The following UBR3 variants were observed in gnomAD, a reference collection of about 807,000 sequenced individuals.
The protein encoded by UBR3 is E3 ubiquitin-protein ligase UBR3.
Under a neutral mutation model 243.2 loss-of-function variants are expected in UBR3, and 85 were observed. That is an observed-to-expected ratio of 0.35 (90% CI 0.29 to 0.42). The LOEUF (loss-of-function observed/expected upper bound fraction) is 0.42. Ranked by LOEUF, UBR3 falls within the 10% of genes least tolerant of loss-of-function variation. UBR3 has a pLI of 1.00. For synonymous variants in UBR3, 748 were observed against 799.8 expected (o/e 0.94, Z 1.09); for missense variants, 1,686 against 2,300.8 (o/e 0.73, Z 5.47).
At chr2:169,872,664 G>T (rs1354557464) in intron 2 of UBR3, among the ~76,000 whole-genome samples, 1 of 152,052 alleles carries the variant, frequency 6.6e-6, no homozygotes, top group South Asian at 2.1e-4. Context: ...TGGGGTTAAC[G>T]TGACTTTATT....
intron 32 of UBR3, among the ~76,000 whole-genome samples, chr2:170,051,346 A>G (rs1360231617): frequency 6.6e-6 from 1 of 151,952 alleles, no homozygotes; most frequent in East Asian, 1.9e-4. Flanking sequence ...TATTTATTTT[A>G]TTATTATTAT....
At position 169,942,609 on chromosome 2, in the gene UBR3, T is replaced by A. The variant is rs1359722403; in HGVS notation, c.2780T>A (p.Ile927Asn). The A allele has an allele frequency of 1.3e-6, 2 of 1,548,818 alleles. No homozygotes were observed. Among genetic ancestry groups the A allele is most frequent in the Admixed American group, 2.0e-5 (1 of 50,748 alleles). ...CTTTTGCACTGTAAAACTTTACACATTGTGCTATTCACTCTGCTTTACAAG... is the reference window on the plus strand; with the variant it reads ...CTTTTGCACTGTAAAACTTTACACAATGTGCTATTCACTCTGCTTTACAAG... Reference protein sequence around the residue: ...MRLLHCKTLHIVLFTLLYKIL... With the variant: ...MRLLHCKTLHNVLFTLLYKIL... The change falls in exon 20 of 39, where the codon ATT becomes AAT. Residue 927 changes from isoleucine to asparagine, a missense_variant. Ile to Asn is a moderately radical substitution (Grantham distance 149, BLOSUM62 -3). This residue lies in a region of UBR3 where 300 missense variants were observed against 314.4 expected (regional missense o/e 0.95). Coordinates refer to ENST00000272793, the MANE Select transcript of UBR3 (RefSeq NM_172070.4).
chr2:170,039,082 G>C (rs922374018), intron 31 of UBR3, among the ~76,000 whole-genome samples: 1 of 152,198 alleles, frequency 6.6e-6, no homozygotes, highest in Non-Finnish European at 1.5e-5. Flanking sequence ...AGAGTCCTTA[G>C]TGAGAAAAGA....
chr2:169,950,131 G>T, intron 23 of UBR3, 66 bp downstream of exon 23: 1 of 1,415,970 alleles, frequency 7.1e-7, no homozygotes, highest in Non-Finnish European at 9.5e-7. Flanking sequence ...CTTCCTTTTG[G>T]TCATTTGAGG....
chr2:169,945,647 C>T (rs1340974600), intron 20 of UBR3, among the ~76,000 whole-genome samples: 1 of 152,110 alleles, frequency 6.6e-6, no homozygotes, highest in Non-Finnish European at 1.5e-5. Flanking sequence ...CATTTTGTTA[C>T]TTGTGGTATT....
intron 19 of UBR3, among the ~76,000 whole-genome samples, chr2:169,936,171 C>T (rs138678817): frequency 1.8e-3 from 272 of 152,094 alleles, no homozygotes; most frequent in African/African-American, 6.2e-3. Context: ...GCGATACATC[C>T]GCCTCAGCCT....
intron 1 of UBR3, among the ~76,000 whole-genome samples, chr2:169,845,908 A>T (rs2082463747): frequency 6.6e-6 from 1 of 152,304 alleles, no homozygotes; most frequent in East Asian, 1.9e-4. Context: ...TAATTCCATT[A>T]TAGTGAGATA....
intron 18 of UBR3, among the ~76,000 whole-genome samples, chr2:169,932,076 ATTT>A (rs140968517): frequency 6.9e-6 from 1 of 145,910 alleles, no homozygotes; most frequent in Non-Finnish European, 1.5e-5. Context: ...TAGCTCATTA[ATTT>A]TTTTTTTTTT....
At chr2:169,989,704 G>A (rs1008843238) in intron 25 of UBR3, among the ~76,000 whole-genome samples, 1 of 152,080 alleles carries the variant, frequency 6.6e-6, no homozygotes, top group Admixed American at 6.5e-5. Context: ...TTATTTACAG[G>A]TGCTCAAAAT....
In UBR3 at chr2:169,930,880, T is replaced by C. The variant is rs532549334; in HGVS notation, c.2566+2012T>C. Reference sequence around the variant, plus strand: ...GAACCTAGCTTCTTCTCTGTCCTGCTATCTACTTGCTCCTAAAGTGGCCCC... The same window carrying C: ...GAACCTAGCTTCTTCTCTGTCCTGCCATCTACTTGCTCCTAAAGTGGCCCC... On this transcript the variant is annotated intron_variant, in intron 18 of 38. Transcript: ENST00000272793. 2.0e-5 allele frequency among the ~76,000 whole-genome samples: 3 copies of C among 152,284 alleles called. No homozygotes were observed. The East Asian group carries it at 5.8e-4, about 29-fold the overall frequency.
At chr2:170,012,595 C>A (rs1262142074) in intron 29 of UBR3, among the ~76,000 whole-genome samples, 1 of 151,710 alleles carries the variant, frequency 6.6e-6, no homozygotes, top group Non-Finnish European at 1.5e-5. Context: ...TCTTTCTGTC[C>A]CAGGAAAGCT....
rs566104238 is a variant in UBR3 at position 169,827,471 on chromosome 2, C to A, written c.-37C>A. 3.6e-5 allele frequency: 44 copies of A among 1,220,842 alleles called. 1 individual carries two copies. In the East Asian group the frequency reaches 1.2e-3, roughly 32 times the overall value. 75.6% of individuals were successfully genotyped at this position (1,220,842 alleles called of 1,614,324 possible). ...ATTCCCTCACTCTCCCTGGAGGAGC[C>A]GCTGGCCCTGGACTCTCCAAATTCT... On this transcript the variant is annotated 5_prime_UTR_variant, in exon 1 of 39. Coordinates refer to ENST00000272793, the MANE Select transcript of UBR3 (RefSeq NM_172070.4).
intron 1 of UBR3, among the ~76,000 whole-genome samples, chr2:169,836,065 ATATTTTTTTTTTTTT>A (rs2082100808): frequency 3.6e-5 from 1 of 27,930 alleles, no homozygotes; most frequent in Non-Finnish European, 6.5e-5. Flanking sequence ...ATATATATAT[ATATTTTTTTTTTTTT>A]TTTTTTTTTT....
At chr2:170,029,988 T>C (rs1039655157) in intron 31 of UBR3, among the ~76,000 whole-genome samples, 1 of 152,148 alleles carries the variant, frequency 6.6e-6, no homozygotes, top group African/African-American at 2.4e-5. Context: ...TTGATACTTT[T>C]CTGATTTATA....
intron 1 of UBR3, among the ~76,000 whole-genome samples, chr2:169,855,347 AATTTTTATTTTTTTT>A (rs1209077992): frequency 6.6e-6 from 1 of 151,618 alleles, no homozygotes; most frequent in Non-Finnish European, 1.5e-5. Flanking sequence ...TTAATTTTTT[AATTTTTATTTTTTTT>A]AGTATTTATT....
chr2:169,912,584 C>T (rs533535972), intron 10 of UBR3, among the ~76,000 whole-genome samples: 1 of 152,252 alleles, frequency 6.6e-6, no homozygotes, highest in African/African-American at 2.4e-5. Flanking sequence ...GGATATACAA[C>T]ATTTCATTTG....
chr2:170,066,970 A>AATC (rs1370893410), intron 35 of UBR3, among the ~76,000 whole-genome samples: 1 of 102,588 alleles, frequency 9.7e-6, no homozygotes, highest in East Asian at 2.6e-4. Flanking sequence ...TCTCTAAAAT[A>AATC]ATAATAATAA....
intron 27 of UBR3, among the ~76,000 whole-genome samples, chr2:170,005,122 G>A (rs906678075): frequency 7.2e-5 from 11 of 152,300 alleles, no homozygotes; most frequent in Non-Finnish European, 1.5e-4. Flanking sequence ...TACTCAGGAG[G>A]CTGAGGCAGG....
intron 13 of UBR3, 106 bp from the exon 14 acceptor site, chr2:169,925,513 G>GGT (rs2085877474): frequency 7.8e-6 from 8 of 1,020,526 alleles, no homozygotes; most frequent in Non-Finnish European, 9.7e-6. Flanking sequence ...AGAATATCGG[G>GGT]CTTATACTAT....
Sources: gnomAD v4.1 joint callset for allele counts (sites outside exome capture counted in the v4.1 genomes callset) on GRCh38, gnomAD v4.1.1 for gene constraint, gnomAD v4.1.1 regional missense constraint, MANE v1.5 for transcripts, NCBI Gene and HGNC (gene_info 2026-07-23, HGNC 2026-07-21) for gene names.